The following SVEP1 variants were observed in gnomAD, a reference collection of about 807,000 sequenced individuals.
The protein encoded by SVEP1 is sushi, von Willebrand factor type A, EGF and pentraxin domain-containing protein 1.
A neutral mutation model predicts 367.3 loss-of-function variants in SVEP1; 164 were observed. The observed-to-expected ratio is 0.45, with a 90% confidence interval of 0.39 to 0.51. The LOEUF (loss-of-function observed/expected upper bound fraction) is 0.51. Ranked by LOEUF, SVEP1 falls within the 20% of genes least tolerant of loss-of-function variation. The pLI is 0.00. For missense variants in SVEP1, 4,117 were observed against 4,425.3 expected, an observed-to-expected ratio of 0.93 and a Z score of 1.98; for synonymous variants, 1,666 against 1,611.6, an observed-to-expected ratio of 1.03 and a Z score of -0.81.
chr9:110,533,013 T>C (rs1223625315), intron 3 of SVEP1, among the ~76,000 whole-genome samples: 1 of 152,114 alleles, frequency 6.6e-6, no homozygotes, highest in Non-Finnish European at 1.5e-5. Context: ...CATTAGATTC[T>C]CATAAGCAGC....
chr9:110,570,559 C>A lies in SVEP1; in HGVS notation c.531+8454G>T, dbSNP rs557828808. 2.3e-3 allele frequency among the ~76,000 whole-genome samples: 350 copies of A among 151,820 alleles called. 2 individuals are homozygous for A. Among genetic ancestry groups the A allele is most frequent in the African/African-American group, 7.7e-3 (319 of 41,374 alleles). ...GCAGTGGCGCAATCTCAGTTCACTG[C>A]AACCTCTGCCTCCTGGATTCAAGCA... On this transcript the variant is annotated intron_variant, in intron 1 of 47. Transcript: ENST00000374469.
At position 110,579,493 on chromosome 9, in the gene SVEP1, G is replaced by T. The variant is rs772442291; in HGVS notation, c.51C>A (p.Gly17=). 5 of 1,605,462 alleles carry T rather than the reference G, an allele frequency of 3.1e-6. No individual in the cohort carries two copies. The highest frequency in any genetic ancestry group is 4.2e-6 in the Non-Finnish European group (5 of 1,177,034). The part of the protein sequence containing the change: ...FCCWGLALVS[G]WATFQQMSPS... ...GGGACATCTGCTGAAAGGTCGCCCA[G>T]CCCGAAACGAGCGCCAGACCCCAGC... Residue 17 remains glycine, a synonymous_variant, in exon 1 of 48, where the codon GGC becomes GGA. Transcript: ENST00000374469. The surrounding 1 kb of genome is among the most constrained non-coding windows in gnomAD (Gnocchi z 5.3).
chr9:110,452,896 T>C (rs1828714662), intron 22 of SVEP1, among the ~76,000 whole-genome samples: 1 of 152,224 alleles, frequency 6.6e-6, no homozygotes, highest in African/African-American at 2.4e-5. Flanking sequence ...TCTCCCTATA[T>C]ATAAACTTTC....
chr9:110,436,342 G>A (rs772604002), intron 28 of SVEP1, 38 bp downstream of exon 28: 4 of 1,611,134 alleles, frequency 2.5e-6, no homozygotes, highest in East Asian at 4.5e-5. Context: ...TTGTACCTTT[G>A]CATCTCATTA....
At chr9:110,429,427 A>G in intron 34 of SVEP1, 93 bp from the exon 35 acceptor site, 1 of 950,162 alleles carries the variant, frequency 1.1e-6, no homozygotes, top group Non-Finnish European at 1.5e-6. Flanking sequence ...TTAAGAATTT[A>G]TACATATTGG....
chr9:110,377,440 T>C (rs1827365906), intron 44 of SVEP1, 74 bp from the exon 45 acceptor site: 1 of 1,348,972 alleles, frequency 7.4e-7, no homozygotes, highest in Non-Finnish European at 1.1e-6. Flanking sequence ...GAATTGCCCC[T>C]TTATATCTCA....
intron 27 of SVEP1, among the ~76,000 whole-genome samples, chr9:110,437,762 A>G (rs545771977): frequency 1.1e-4 from 16 of 152,142 alleles, no homozygotes; most frequent in Admixed American, 7.9e-4. Context: ...ACTGTACCCA[A>G]TGTGTAGTCT....
chr9:110,448,408 A>G (rs915747567), intron 24 of SVEP1, among the ~76,000 whole-genome samples: 1 of 152,230 alleles, frequency 6.6e-6, no homozygotes, highest in Admixed American at 6.5e-5. Flanking sequence ...ATGTCATACG[A>G]AGACCTCTTT....
chr9:110,447,972 G>C (rs1015729594), intron 24 of SVEP1, among the ~76,000 whole-genome samples: 1 of 151,826 alleles, frequency 6.6e-6, no homozygotes, highest in African/African-American at 2.4e-5. Flanking sequence ...AAAAAAAACC[G>C]AATTGCAAAA....
In SVEP1 at chr9:110,514,071, G is replaced by C; in HGVS notation, c.1000C>G (p.Pro334Ala). ...GGAATGCAACTGCTGATTCCTCCTG[G>C]TGAGCCTTCAGGTTTGTATGTCCCC... ...PSGTYKPEGS[P>A]GGISSCIPCP... The change falls in exon 4 of 48, where the codon CCA becomes GCA. Residue 334 changes from proline to alanine, a missense_variant. This residue lies in a region of SVEP1 where 2,174 missense variants were observed against 2,494.3 expected (regional missense o/e 0.87). Coordinates refer to ENST00000374469, the MANE Select transcript of SVEP1 (RefSeq NM_153366.4). 2.5e-6 allele frequency: 4 copies of C among 1,611,164 alleles called. No individual in the cohort carries two copies. Among genetic ancestry groups the C allele is most frequent in the Non-Finnish European group, 3.4e-6 (4 of 1,178,632 alleles).
In SVEP1 at chr9:110,407,228, T is replaced by G. The variant is rs374776043; in HGVS notation, c.8372A>C (p.Tyr2791Ser). ...ATAGTACAACGTGCTCAGGTATGTGTAGTTGCTTCCTTTGATGGATCCATT... is the reference window on the plus strand; with the variant it reads ...ATAGTACAACGTGCTCAGGTATGTGGAGTTGCTTCCTTTGATGGATCCATT... ...VMNGSIKGSN[Y>S]TYLSTLYYEC... is the part of the protein sequence containing the mutation. The change falls in exon 38 of 48, where the codon TAC becomes TCC. Residue 2791 changes from tyrosine (Y) to serine (S), a missense_variant. By Grantham distance (144) the Tyr-to-Ser change is moderately radical (BLOSUM62 -2). Around this residue, in one of 4 missense-constraint regions of SVEP1, gnomAD observed 1,765 missense variants for 1,781.1 expected, o/e 0.99. Transcript: ENST00000374469. 2 of 1,613,850 alleles carry G rather than the reference T, an allele frequency of 1.2e-6. No individual in the cohort carries two copies. Among genetic ancestry groups the G allele is most frequent in the Non-Finnish European group, 1.7e-6 (2 of 1,179,886 alleles).
At chr9:110,377,439 C>T in intron 44 of SVEP1, 73 bp from the exon 45 acceptor site, 2 of 1,347,522 alleles carry the variant, frequency 1.5e-6, no homozygotes, top group East Asian at 2.3e-5. Flanking sequence ...AGAATTGCCC[C>T]TTTATATCTC....
In SVEP1 at chr9:110,406,920, G is replaced by A; in HGVS notation, c.8680C>T (p.Pro2894Ser). Reference protein sequence around the residue: ...PDCVPVRCATPPQLANGVTEG... With the variant: ...PDCVPVRCATSPQLANGVTEG... ...GTCACCCCATTGGCCAGTTGTGGCG[G>A]GGTGGCACATCTGACAGGCACACAG... The change falls in exon 38 of 48, where the codon CCG becomes TCG. Residue 2894 changes from proline (P) to serine (S), a missense_variant. Transcript: ENST00000374469. 3.1e-6 allele frequency: 5 copies of A among 1,613,882 alleles called. No individual in the cohort carries two copies. The highest frequency in any genetic ancestry group is 3.4e-6 in the Non-Finnish European group (4 of 1,179,884).
intron 26 of SVEP1, among the ~76,000 whole-genome samples, chr9:110,444,265 G>C (rs1433501105): frequency 6.6e-6 from 1 of 152,126 alleles, no homozygotes; most frequent in Non-Finnish European, 1.5e-5. Flanking sequence ...GGAGTCTTTG[G>C]GAAGTGATTA....
At position 110,434,470 on chromosome 9, in the gene SVEP1, C is replaced by A. The variant is rs770845624; in HGVS notation, c.4925G>T (p.Arg1642Ile). The change falls in exon 30 of 48, where the codon AGA (arginine) becomes ATA (isoleucine). Residue 1642 changes from arginine (R) to isoleucine (I), a missense_variant. Physicochemically the swap from Arg to Ile is moderately conservative, Grantham distance 97. Around this residue, in one of 4 missense-constraint regions of SVEP1, gnomAD observed 2,174 missense variants for 2,494.3 expected, o/e 0.87. Coordinates refer to ENST00000374469, the MANE Select transcript of SVEP1 (RefSeq NM_153366.4). ...PRLGGSVPHLRTASEDLKPGS... is the reference protein window; with the variant it reads ...PRLGGSVPHLITASEDLKPGS... ...TGGCTTTAAATCTTCAGATGCAGTTCTCAGATGAGGCACTGACCCTCCTAA... is the reference window on the plus strand; with the variant it reads ...TGGCTTTAAATCTTCAGATGCAGTTATCAGATGAGGCACTGACCCTCCTAA... The A allele has an allele frequency of 6.2e-7, 1 of 1,613,350 alleles. No homozygotes were observed. Among genetic ancestry groups the A allele is most frequent in the Non-Finnish European group, 8.5e-7 (1 of 1,179,706 alleles).
intron 8 of SVEP1, among the ~76,000 whole-genome samples, chr9:110,493,536 A>G (rs1404310768): frequency 6.6e-6 from 1 of 152,132 alleles, no homozygotes; most frequent in Non-Finnish European, 1.5e-5. Flanking sequence ...GTTCGAGACC[A>G]GGCTGGCCAA....
At chr9:110,575,002 C>G (rs1301871598) in intron 1 of SVEP1, among the ~76,000 whole-genome samples, 1 of 152,134 alleles carries the variant, frequency 6.6e-6, no homozygotes, top group Non-Finnish European at 1.5e-5. Flanking sequence ...GCCTTGGCCT[C>G]CCAAAGTCCT....
In SVEP1 at chr9:110,370,001, G is replaced by A. The variant is rs559908585; in HGVS notation, c.10616C>T (p.Pro3539Leu). Reference sequence around the variant, plus strand: ...TACACATTTTCCACCATTTAAGCAGGGAGACTGGCAAACAGCTGGAATAAA... The same window carrying A: ...TACACATTTTCCACCATTTAAGCAGAGAGACTGGCAAACAGCTGGAATAAA... ...SRCHTAVCQS[P>L]CLNGGKCVRP... The change falls in exon 47 of 48, where the codon CCC (proline) becomes CTC (leucine). Residue 3539 changes from proline to leucine, a missense_variant. Around this residue, in one of 4 missense-constraint regions of SVEP1, gnomAD observed 1,765 missense variants for 1,781.1 expected, o/e 0.99. Transcript: ENST00000374469. The A allele has an allele frequency of 6.2e-7, 1 of 1,612,890 alleles. No homozygotes were observed. The highest frequency in any genetic ancestry group is 1.3e-5 in the African/African-American group (1 of 74,976).
chr9:110,387,559 T>C, intron 41 of SVEP1, 101 bp from the exon 42 acceptor site: 1 of 1,282,096 alleles, frequency 7.8e-7, no homozygotes, highest in Non-Finnish European at 1.0e-6. Flanking sequence ...ATATAAAATA[T>C]TATGGCCTAC....
Sources: allele counts gnomAD v4.1 joint callset (sites outside exome capture counted in the v4.1 genomes callset), GRCh38; gene constraint gnomAD v4.1.1; regional missense constraint gnomAD v4.1.1; non-coding constraint Gnocchi (gnomAD v3.1); transcripts MANE v1.5; gene names NCBI Gene and HGNC (gene_info 2026-07-23, HGNC 2026-07-21).